NLGN1: variants seen among roughly 807,000 people sequenced by gnomAD.
NLGN1 encodes neuroligin 1, also known as neuroligin-1.
NLGN1 carries 12 observed loss-of-function variants against 65.5 expected under a neutral mutation model. The observed-to-expected ratio is 0.18, with a 90% CI of 0.12 to 0.30. The LOEUF (loss-of-function observed/expected upper bound fraction) is 0.30, where lower values mean the gene tolerates loss of function less well. Among genes scored for constraint, NLGN1 ranks in the 10% least tolerant of loss-of-function variants. The probability of loss-of-function intolerance (pLI) is 1.00; values close to 1 mark genes in which losing one functional copy is unlikely to be tolerated. For synonymous variants in NLGN1, 350 were observed against 359.5 expected, an observed-to-expected ratio of 0.97 and a Z score of 0.30; for missense variants, 750 against 1,007.1, an observed-to-expected ratio of 0.74 and a Z score of 3.46.
intron 2 of NLGN1, among the ~76,000 whole-genome samples, chr3:173,467,626 A>G (rs914600066): frequency 1.3e-5 from 2 of 152,132 alleles, no homozygotes; most frequent in African/African-American, 4.8e-5. Flanking sequence ...ACATGTCATA[A>G]TGATTCAGTC....
chr3:173,907,582 CTTTTTTT>C (rs561283815), intron 4 of NLGN1, among the ~76,000 whole-genome samples: 10 of 120,716 alleles, frequency 8.3e-5, no homozygotes, highest in Non-Finnish European at 1.3e-4. Context: ...CTCTCTCTCT[CTTTTTTT>C]TTTTTTTTTT....
At chr3:173,509,474 A>T (rs1165634256) in intron 2 of NLGN1, among the ~76,000 whole-genome samples, 1 of 152,180 alleles carries the variant, frequency 6.6e-6, no homozygotes, top group African/African-American at 2.4e-5. Context: ...TTAGCTGAGC[A>T]TGGTGGTGTG....
At chr3:173,865,242 CT>C (rs931152915) in intron 4 of NLGN1, among the ~76,000 whole-genome samples, 11 of 150,864 alleles carry the variant, frequency 7.3e-5, no homozygotes, top group East Asian at 3.9e-4. Context: ...CACTGAGTTT[CT>C]TTTTTTTTAA....
chr3:174,099,301 A>T (rs1711857420), intron 4 of NLGN1, among the ~76,000 whole-genome samples: 3 of 147,336 alleles, frequency 2.0e-5, no homozygotes, highest in African/African-American at 7.9e-5. Context: ...ATGAATTATA[A>T]TTTATACCTA....
At chr3:173,904,508 G>A (rs73035453) in intron 4 of NLGN1, among the ~76,000 whole-genome samples, 1 of 150,564 alleles carries the variant, frequency 6.6e-6, no homozygotes, top group Non-Finnish European at 1.5e-5. Context: ...GAAGATAAAG[G>A]GTTTTTTTTT....
rs1720242085 is a variant in NLGN1, at chr3:173,446,153, G to T, written c.-321+11075G>T. 4.6e-5 allele frequency among the ~76,000 whole-genome samples: 7 copies of T among 150,900 alleles called. No individual in the cohort carries two copies. In the South Asian group the frequency reaches 1.5e-3, roughly 31 times the overall value. ...ATATGTATACATGTGCCATGTTGGT[G>T]TGCTGCACCCATCAACTTGTCATTT... On this transcript the variant is annotated intron_variant, in intron 2 of 6. Coordinates refer to ENST00000457714, the Ensembl canonical transcript of NLGN1.
intron 3 of NLGN1, among the ~76,000 whole-genome samples, chr3:173,606,118 T>C (rs930048049): frequency 1.4e-4 from 22 of 152,112 alleles, no homozygotes; most frequent in African/African-American, 5.1e-4. Context: ...ATAGTGTTTT[T>C]TTCTTAGTCT....
intron 3 of NLGN1, among the ~76,000 whole-genome samples, chr3:173,752,758 G>A (rs1272595625): frequency 1.3e-5 from 2 of 152,046 alleles, no homozygotes; most frequent in African/African-American, 4.8e-5. Context: ...AGACTGCCCA[G>A]TGATTCTGCT....
At chr3:174,095,556 G>GTGTA (rs927315951) in intron 4 of NLGN1, among the ~76,000 whole-genome samples, 83 of 151,250 alleles carry the variant, frequency 5.5e-4, no homozygotes, top group African/African-American at 2.0e-3. Flanking sequence ...TATAAAACGT[G>GTGTA]TGTATGTATG....
chr3:173,437,440 G>A (rs934219605), intron 2 of NLGN1, among the ~76,000 whole-genome samples: 8 of 152,292 alleles, frequency 5.3e-5, no homozygotes, highest in African/African-American at 1.9e-4. Flanking sequence ...GACAGTTGCA[G>A]CTGCAATAAA....
intron 3 of NLGN1, among the ~76,000 whole-genome samples, chr3:173,753,944 A>AATATAATATAAT (rs1553836500): frequency 8.6e-6 from 1 of 116,692 alleles, no homozygotes; most frequent in Non-Finnish European, 1.9e-5. Flanking sequence ...ATAATATAAT[A>AATATAATATAAT]ATAATATAAT....
chr3:174,035,286 G>A (rs1730892358), intron 4 of NLGN1, among the ~76,000 whole-genome samples: 1 of 152,062 alleles, frequency 6.6e-6, no homozygotes, highest in Non-Finnish European at 1.5e-5. Flanking sequence ...CATTTGAAAG[G>A]TGCAAACAGG....
chr3:173,624,887 T>A (rs1275907482), intron 3 of NLGN1, among the ~76,000 whole-genome samples: 1 of 152,014 alleles, frequency 6.6e-6, no homozygotes, highest in Non-Finnish European at 1.5e-5. Flanking sequence ...TATATTTTTT[T>A]TCTGGAGGCT....
At chr3:173,810,338 A>G (rs948695423) in intron 4 of NLGN1, among the ~76,000 whole-genome samples, 2 of 152,200 alleles carry the variant, frequency 1.3e-5, no homozygotes, top group African/African-American at 2.4e-5. Flanking sequence ...AGGTAAGCCA[A>G]GGTTTCTTGG....
At chr3:173,470,255 G>A (rs1381407456) in intron 2 of NLGN1, among the ~76,000 whole-genome samples, 1 of 151,938 alleles carries the variant, frequency 6.6e-6, no homozygotes, top group Non-Finnish European at 1.5e-5. Context: ...ATCCTGTCTT[G>A]CCTCTTCTGC....
chr3:174,206,588 C>G (rs1236174941), intron 4 of NLGN1, among the ~76,000 whole-genome samples: 1 of 152,206 alleles, frequency 6.6e-6, no homozygotes, highest in Non-Finnish European at 1.5e-5. Flanking sequence ...AACTGCTTTG[C>G]AAACCTATCA....
At chr3:173,786,559 C>T (rs937732147) in intron 3 of NLGN1, among the ~76,000 whole-genome samples, 1 of 152,034 alleles carries the variant, frequency 6.6e-6, no homozygotes, top group African/African-American at 2.4e-5. Flanking sequence ...AATACACACA[C>T]ACACACACAA....
intron 4 of NLGN1, among the ~76,000 whole-genome samples, chr3:173,967,968 C>G (rs933648208): frequency 6.6e-6 from 1 of 152,120 alleles, no homozygotes; most frequent in Admixed American, 6.6e-5. Context: ...ATTTCAGGGC[C>G]TTTGAGCTTT....
chr3:173,917,436 A>G (rs1266367235), intron 4 of NLGN1, among the ~76,000 whole-genome samples: 1 of 152,228 alleles, frequency 6.6e-6, no homozygotes, highest in Non-Finnish European at 1.5e-5. Context: ...AACACCAGGA[A>G]CATAATCAAT....
Sources: allele counts gnomAD v4.1 joint callset (sites outside exome capture counted in the v4.1 genomes callset), GRCh38; gene constraint gnomAD v4.1.1; transcripts MANE v1.5; gene names NCBI Gene and HGNC (gene_info 2026-07-23, HGNC 2026-07-21).